Variants in ARPC1A observed in about 807,000 individuals in gnomAD.
ARPC1A encodes the protein actin-related protein 2/3 complex subunit 1A.
In ARPC1A, 8 loss-of-function variants were observed where a neutral mutation model predicts 46.9. The observed-to-expected ratio is 0.17, with a 90% confidence interval of 0.10 to 0.31. The LOEUF is 0.31. Among genes scored for constraint, ARPC1A ranks in the 10% least tolerant of loss-of-function variants. ARPC1A has a pLI of 1.00. For synonymous variants in ARPC1A, 152 were observed against 169.0 expected, an observed-to-expected ratio of 0.90 and a Z score of 0.78; for missense variants, 286 against 483.6, an observed-to-expected ratio of 0.59 and a Z score of 3.83.
chr7:99,330,297 C>G (rs143965860), intron 1 of ARPC1A, among the ~76,000 whole-genome samples: 2 of 148,938 alleles, frequency 1.3e-5, no homozygotes, highest in Non-Finnish European at 3.0e-5. Context: ...CCTTTGGGTT[C>G]CCCCCCCCTT....
chr7:99,354,401 A>G (rs1793597362), intron 6 of ARPC1A, among the ~76,000 whole-genome samples: 1 of 149,986 alleles, frequency 6.7e-6, no homozygotes, highest in Non-Finnish European at 1.5e-5. Context: ...AGGCGCCTGT[A>G]CTCCCAGCTA....
intron 8 of ARPC1A, among the ~76,000 whole-genome samples, chr7:99,362,521 TTTAG>T (rs1301836112): frequency 2.7e-5 from 4 of 148,744 alleles, no homozygotes; most frequent in Non-Finnish European, 5.9e-5. Context: ...TTTTGTATCT[TTTAG>T]TAGAGACAGA....
intron 2 of ARPC1A, among the ~76,000 whole-genome samples, chr7:99,334,098 T>C (rs1303896440): frequency 6.6e-6 from 1 of 151,368 alleles, no homozygotes; most frequent in Non-Finnish European, 1.5e-5. Context: ...TGGAGGCTCA[T>C]GTCTGTAATC....
chr7:99,362,871 G>A (rs1261022999), intron 8 of ARPC1A, among the ~76,000 whole-genome samples: 4 of 151,892 alleles, frequency 2.6e-5, no homozygotes, highest in African/African-American at 4.8e-5. Context: ...TAGCTTGGTC[G>A]GAATCTAGTG....
intron 4 of ARPC1A, among the ~76,000 whole-genome samples, chr7:99,347,313 C>T (rs1263248059): frequency 6.6e-6 from 1 of 152,096 alleles, no homozygotes; most frequent in Non-Finnish European, 1.5e-5. Context: ...TCAAGCAATC[C>T]TTCTGCTTTG....
intron 4 of ARPC1A, 120 bp from the exon 5 acceptor site, chr7:99,348,731 AT>A (rs533788079): frequency 9.0e-4 from 496 of 549,928 alleles, no homozygotes; most frequent in African/African-American, 1.4e-3. Context: ...TTGTTTTATA[AT>A]TTTTTTTTAA....
At chr7:99,340,891 A>G (rs997357994) in intron 3 of ARPC1A, among the ~76,000 whole-genome samples, 4 of 152,222 alleles carry the variant, frequency 2.6e-5, no homozygotes, top group African/African-American at 9.6e-5. Flanking sequence ...AGCACCAAAG[A>G]CAGCGTTTCT....
At chr7:99,342,988 C>A (rs1467656219) in intron 3 of ARPC1A, among the ~76,000 whole-genome samples, 1 of 151,952 alleles carries the variant, frequency 6.6e-6, no homozygotes, top group Admixed American at 6.6e-5. Context: ...TCCCAAAGAG[C>A]CACCGCGCCC....
intron 5 of ARPC1A, among the ~76,000 whole-genome samples, chr7:99,352,421 C>T (rs1793558456): frequency 6.6e-6 from 1 of 152,100 alleles, no homozygotes; most frequent in Admixed American, 6.6e-5. Flanking sequence ...CTTTGGGAGG[C>T]TGAGGCAGGA....
chr7:99,360,839 G>C (rs1793725647), intron 8 of ARPC1A, among the ~76,000 whole-genome samples: 1 of 151,482 alleles, frequency 6.6e-6, no homozygotes, highest in South Asian at 2.1e-4. Flanking sequence ...TACTCGGCAG[G>C]CTGAGGCAGG....
intron 4 of ARPC1A, among the ~76,000 whole-genome samples, 187 bp downstream of exon 4, chr7:99,344,702 A>G (rs985090002): frequency 2.0e-5 from 3 of 151,976 alleles, no homozygotes; most frequent in African/African-American, 7.3e-5. Context: ...CGTTTTTTAT[A>G]TTAACATAGA....
chr7:99,353,359 C>T (rs1290441125), intron 5 of ARPC1A, among the ~76,000 whole-genome samples: 3 of 152,002 alleles, frequency 2.0e-5, no homozygotes, highest in Admixed American at 6.6e-5. Flanking sequence ...GGGGTTTCAC[C>T]GTATTAGCCA....
intron 1 of ARPC1A, among the ~76,000 whole-genome samples, chr7:99,332,053 A>T (rs952279980): frequency 1.3e-5 from 2 of 152,230 alleles, no homozygotes; most frequent in Non-Finnish European, 1.5e-5. Flanking sequence ...AGAATGGCAC[A>T]CACCCTGGCT....
chr7:99,340,895 C>T (rs1793346716), intron 3 of ARPC1A, among the ~76,000 whole-genome samples: 1 of 152,188 alleles, frequency 6.6e-6, no homozygotes, highest in African/African-American at 2.4e-5. Flanking sequence ...CCAAAGACAG[C>T]GTTTCTATTT....
intron 8 of ARPC1A, among the ~76,000 whole-genome samples, chr7:99,363,311 G>A (rs905456129): frequency 6.6e-6 from 1 of 152,178 alleles, no homozygotes; most frequent in African/African-American, 2.4e-5. Context: ...GGAGCGTGGT[G>A]GCTTATGCCT....
intron 8 of ARPC1A, 48 bp downstream of exon 8, chr7:99,359,786 GC>G (rs772185966): frequency 1.9e-6 from 3 of 1,597,796 alleles, no homozygotes; most frequent in Non-Finnish European, 2.6e-6. Flanking sequence ...GTGCCTTCCT[GC>G]CCCTCGCTGT....
chr7:99,364,976 C>T lies in ARPC1A; in HGVS notation c.1075-915C>T, dbSNP rs185553732. On this transcript the variant is annotated intron_variant, in intron 9 of 9. Transcript: ENST00000262942. ...CTGCAGGGAACAGGTTGCACCTGAG[C>T]GGCATCCTGAGTTGCGATGGGTTTT... Among the ~76,000 whole-genome samples the T allele has an allele frequency of 1.1e-3, 173 of 152,130 alleles. 1 individual carries two copies. Among genetic ancestry groups the T allele is most frequent in the African/African-American group, 4.0e-3 (165 of 41,512 alleles).
At chr7:99,356,800 T>C (rs773342956) in intron 6 of ARPC1A, among the ~76,000 whole-genome samples, 1 of 152,024 alleles carries the variant, frequency 6.6e-6, no homozygotes, top group Non-Finnish European at 1.5e-5. Flanking sequence ...CTCGGGAGGC[T>C]GAGGCAGGAG....
At chr7:99,356,986 A>G (rs1793647889) in intron 6 of ARPC1A, among the ~76,000 whole-genome samples, 1 of 152,198 alleles carries the variant, frequency 6.6e-6, no homozygotes, top group African/African-American at 2.4e-5. Context: ...ACAGGCACTT[A>G]TATATCTTTT....
Sources: gnomAD v4.1 joint callset for allele counts (sites outside exome capture counted in the v4.1 genomes callset) on GRCh38, gnomAD v4.1.1 for gene constraint, MANE v1.5 for transcripts, NCBI Gene and HGNC (gene_info 2026-07-23, HGNC 2026-07-21) for gene names.